Variants in SPAG16 observed in about 807,000 individuals in gnomAD.
SPAG16 encodes sperm-associated antigen 16 protein.
In SPAG16, 86 loss-of-function variants were observed where a neutral mutation model predicts 80.4. The ratio of observed to expected loss-of-function variants is 1.07; its 90% CI spans 0.90 to 1.28. The LOEUF (loss-of-function observed/expected upper bound fraction) is 1.28, where lower values mean the gene tolerates loss of function less well. SPAG16 is among the 50% of genes most tolerant of loss of function. The probability of loss-of-function intolerance (pLI) is 0.00; values close to 1 mark genes in which losing one functional copy is unlikely to be tolerated. For missense variants in SPAG16, 870 were observed against 765.3 expected (o/e 1.14, Z -1.61); for synonymous variants, 294 against 265.9 (o/e 1.11, Z -1.03).
intron 15 of SPAG16, among the ~76,000 whole-genome samples, chr2:214,308,113 G>A (rs1275120811): frequency 2.0e-5 from 3 of 151,682 alleles, no homozygotes; most frequent in Non-Finnish European, 4.4e-5. Flanking sequence ...AGCTCTTCTT[G>A]TTGAGTTTAA....
intron 9 of SPAG16, among the ~76,000 whole-genome samples, chr2:213,398,187 C>T (rs1176997490): frequency 6.7e-6 from 1 of 150,348 alleles, no homozygotes; most frequent in Non-Finnish European, 1.5e-5. Flanking sequence ...TTTTTGCCAC[C>T]GTCTGTAGTT....
At chr2:213,791,298 A>T (rs539616861) in intron 10 of SPAG16, among the ~76,000 whole-genome samples, 27 of 152,260 alleles carry the variant, frequency 1.8e-4, no homozygotes, top group Middle Eastern at 3.4e-3. Flanking sequence ...GTTTGAAAAA[A>T]AAAACATAAA....
rs553967063 is a variant in SPAG16, at chr2:214,129,310, C to T, written c.1594-19830C>T. Among the ~76,000 whole-genome samples, 10 of 152,220 alleles carry T rather than the reference C, an allele frequency of 6.6e-5. No individual in the cohort carries two copies. In the East Asian group the frequency reaches 1.7e-3, roughly 27 times the overall value. On this transcript the variant is annotated intron_variant, in intron 14 of 15. Transcript: ENST00000331683. ...TGTCCTTGTGTTATGGGATAGAAATCGTCAAGGTAGTATGTCAACGTAGTC... is the reference window on the plus strand; with the variant it reads ...TGTCCTTGTGTTATGGGATAGAAATTGTCAAGGTAGTATGTCAACGTAGTC...
intron 9 of SPAG16, among the ~76,000 whole-genome samples, chr2:213,404,976 G>C (rs2068535072): frequency 6.6e-6 from 1 of 152,084 alleles, no homozygotes; most frequent in Non-Finnish European, 1.5e-5. Context: ...TTGCAGTTCT[G>C]GTTTTGGCAT....
At chr2:214,234,075 C>T (rs1004158710) in intron 15 of SPAG16, among the ~76,000 whole-genome samples, 14 of 62,830 alleles carry the variant, frequency 2.2e-4, no homozygotes, top group African/African-American at 3.3e-4. Flanking sequence ...TGTGTTGTTT[C>T]CCCCCCCATG....
At chr2:213,317,407 A>G (rs773428607) in intron 5 of SPAG16, 51 bp downstream of exon 5, 14 of 1,560,896 alleles carry the variant, frequency 9.0e-6, no homozygotes, top group Non-Finnish European at 1.1e-5. Flanking sequence ...GGACTAAATA[A>G]AAGAGTTGAG....
chr2:213,744,420 G>T (rs2067721676), intron 10 of SPAG16, among the ~76,000 whole-genome samples: 1 of 152,108 alleles, frequency 6.6e-6, no homozygotes, highest in Non-Finnish European at 1.5e-5. Flanking sequence ...ATGGAAGCTT[G>T]AGCTCTCCAA....
chr2:214,357,236 T>C (rs1359249778), intron 15 of SPAG16, among the ~76,000 whole-genome samples: 1 of 151,950 alleles, frequency 6.6e-6, no homozygotes, highest in Non-Finnish European at 1.5e-5. Flanking sequence ...ATTATTAAGA[T>C]TGGTGCTTTT....
chr2:214,279,103 CT>C (rs35554459), intron 15 of SPAG16, among the ~76,000 whole-genome samples: 53,316 of 127,810 alleles, frequency 0.42, 9,013 homozygotes, highest in East Asian at 0.56. Flanking sequence ...ATGAAACAAG[CT>C]TTTTTTTTTT....
chr2:213,297,332 A>G lies in SPAG16; in HGVS notation c.254A>G (p.Glu85Gly). ...DLAKAIQMAQ[E>G]QATDTEILER... ...GCAAAAGCAATTCAGATGGCCCAAG[A>G]ACAGGCTACAGATACTGAAATTTTG... The change falls in exon 3 of 16, where the codon GAA becomes GGA. Residue 85 changes from glutamate (E) to glycine (G), a missense_variant. Physicochemically the swap from Glu to Gly is moderately conservative, Grantham distance 98. Coordinates refer to ENST00000331683, the MANE Select transcript of SPAG16 (RefSeq NM_024532.5). 1.2e-6 allele frequency: 2 copies of G among 1,612,330 alleles called. No individual in the cohort carries two copies. Among genetic ancestry groups the G allele is most frequent in the South Asian group, 2.2e-5 (2 of 90,934 alleles).
At chr2:214,007,481 G>A (rs1433070450) in intron 12 of SPAG16, among the ~76,000 whole-genome samples, 1 of 151,410 alleles carries the variant, frequency 6.6e-6, no homozygotes, top group South Asian at 2.1e-4. Context: ...CATTCTTTTT[G>A]TATGCAAATG....
chr2:213,761,375 A>T (rs1405958629), intron 10 of SPAG16, among the ~76,000 whole-genome samples: 1 of 152,220 alleles, frequency 6.6e-6, no homozygotes, highest in Non-Finnish European at 1.5e-5. Context: ...TTAAACCTAA[A>T]GCTAGCACAA....
chr2:213,748,336 AT>A (rs1310338589), intron 10 of SPAG16, among the ~76,000 whole-genome samples: 5 of 152,140 alleles, frequency 3.3e-5, no homozygotes, highest in Non-Finnish European at 7.4e-5. Flanking sequence ...TGGAATGAAC[AT>A]TTGTTCATAT....
At chr2:214,378,496 A>ATAAG (rs1700260352) in intron 15 of SPAG16, among the ~76,000 whole-genome samples, 2 of 152,180 alleles carry the variant, frequency 1.3e-5, no homozygotes, top group South Asian at 2.1e-4. Context: ...TGGTTCCCTT[A>ATAAG]TAAGTTTGGG....
At chr2:213,669,200 T>C (rs577836482) in intron 10 of SPAG16, among the ~76,000 whole-genome samples, 11 of 152,326 alleles carry the variant, frequency 7.2e-5, no homozygotes, top group African/African-American at 2.6e-4. Flanking sequence ...CTCATAGATA[T>C]GATGTGAAAA....
chr2:213,490,508 A>G (rs1368546277), intron 10 of SPAG16, among the ~76,000 whole-genome samples: 1 of 152,184 alleles, frequency 6.6e-6, no homozygotes, highest in Non-Finnish European at 1.5e-5. Context: ...CTATAATTAC[A>G]TAGGTTTAAA....
In SPAG16 at chr2:213,296,120, T is replaced by A; in HGVS notation, c.183+10T>A. On this transcript the variant is annotated intron_variant, in intron 2 of 15. Coordinates refer to ENST00000331683, the MANE Select transcript of SPAG16 (RefSeq NM_024532.5). Reference sequence around the variant, plus strand: ...CTATGAATATGAAGAGGTAACATGTTAATTTTAGGTGTTTATTCTGTAAAT... The same window carrying A: ...CTATGAATATGAAGAGGTAACATGTAAATTTTAGGTGTTTATTCTGTAAAT... 1 of 1,580,640 alleles carries A rather than the reference T, an allele frequency of 6.3e-7. No homozygotes were observed. The highest frequency in any genetic ancestry group is 1.7e-4 in the Middle Eastern group (1 of 5,990).
intron 9 of SPAG16, among the ~76,000 whole-genome samples, chr2:213,411,117 A>C (rs1010855684): frequency 1.3e-5 from 2 of 152,204 alleles, no homozygotes; most frequent in Non-Finnish European, 2.9e-5. Flanking sequence ...CACTCTGCCA[A>C]ATAACTGGAG....
At chr2:213,470,057 C>T (rs2072992129) in intron 9 of SPAG16, among the ~76,000 whole-genome samples, 1 of 152,022 alleles carries the variant, frequency 6.6e-6, no homozygotes, top group Non-Finnish European at 1.5e-5. Flanking sequence ...CCACTTCCAC[C>T]CCTTGATTCC....
Sources: gnomAD v4.1 joint callset for allele counts (sites outside exome capture counted in the v4.1 genomes callset) on GRCh38, gnomAD v4.1.1 for gene constraint, MANE v1.5 for transcripts, NCBI Gene and HGNC (gene_info 2026-07-23, HGNC 2026-07-21) for gene names.